AVPR1B: variants seen among roughly 807,000 people sequenced by gnomAD.
AVPR1B encodes the protein arginine vasopressin receptor 1B.
A neutral mutation model predicts 27.5 loss-of-function variants in AVPR1B; 25 were observed. The observed-to-expected ratio is 0.91, with a 90% CI of 0.66 to 1.27. The LOEUF (loss-of-function observed/expected upper bound fraction) is 1.27. Ranked by LOEUF, AVPR1B falls within the 50% of genes most tolerant of loss-of-function variation. The pLI, the probability that AVPR1B is intolerant of heterozygous loss-of-function variation, is 0.00. For missense variants in AVPR1B, 595 were observed against 556.9 expected, an observed-to-expected ratio of 1.07 and a Z score of -0.69; for synonymous variants, 248 against 240.2, an observed-to-expected ratio of 1.03 and a Z score of -0.30.
In AVPR1B at chr1:206,109,239, T is replaced by C. The variant is rs539842444; in HGVS notation, c.*950A>G. ...CATCCATATGGTTCATGGTGGAAGCTCTGAAGAGCCTGGAGGGTGTCCAGA... is the reference window on the plus strand; with the variant it reads ...CATCCATATGGTTCATGGTGGAAGCCCTGAAGAGCCTGGAGGGTGTCCAGA... On this transcript the variant is annotated 3_prime_UTR_variant, in exon 2 of 2. Coordinates refer to ENST00000367126, the MANE Select transcript of AVPR1B (RefSeq NM_000707.5). 3.3e-5 allele frequency among the ~76,000 whole-genome samples: 5 copies of C among 152,126 alleles called. No homozygotes were observed. The East Asian group carries it at 7.7e-4, about 24-fold the overall frequency.
chr1:206,108,821 T>A lies in AVPR1B; in HGVS notation c.*1368A>T, dbSNP rs1663322224. On this transcript the variant is annotated 3_prime_UTR_variant, in exon 2 of 2. Transcript: ENST00000367126. Reference sequence around the variant, plus strand: ...AAAAGTCCCCTGGAGATAATGAGCATGTGCCATGCTCTTCCTCTACCTCGG... The same window carrying A: ...AAAAGTCCCCTGGAGATAATGAGCAAGTGCCATGCTCTTCCTCTACCTCGG... 6.6e-6 allele frequency among the ~76,000 whole-genome samples: 1 copy of A among 152,250 alleles called. No homozygotes were observed. The highest frequency in any genetic ancestry group is 2.4e-5 in the African/African-American group (1 of 41,466).
intron 1 of AVPR1B, among the ~76,000 whole-genome samples, chr1:206,111,260 C>A (rs1333310821): frequency 6.6e-6 from 1 of 151,496 alleles, no homozygotes; most frequent in Non-Finnish European, 1.5e-5. Context: ...AGGAACTGTA[C>A]CTTTCTGCAG....
chr1:206,110,153 G>C lies in AVPR1B; in HGVS notation c.*36C>G. On this transcript the variant is annotated 3_prime_UTR_variant, in exon 2 of 2. Transcript: ENST00000367126. Reference sequence around the variant, plus strand: ...CGAGGTGGGCAGAGAACCTCCACTAGTCCTGGGGGCAGTACCAGACCCCAG... The same window carrying C: ...CGAGGTGGGCAGAGAACCTCCACTACTCCTGGGGGCAGTACCAGACCCCAG... 6.4e-7 allele frequency: 1 copy of C among 1,563,930 alleles called. No individual in the cohort carries two copies. The highest frequency in any genetic ancestry group is 8.7e-7 in the Non-Finnish European group (1 of 1,152,138).
At chr1:206,114,299 C>T (rs1331515011) in intron 1 of AVPR1B, among the ~76,000 whole-genome samples, 1 of 152,174 alleles carries the variant, frequency 6.6e-6, no homozygotes, top group Non-Finnish European at 1.5e-5. Context: ...TGCACAGGGC[C>T]TGCCTAGGAC....
Position 206,116,794 on chromosome 1 carries a change from G to A in AVPR1B, c.97C>T (p.Leu33=). The change falls in exon 1 of 2, where the codon CTG becomes TTG. Residue 33 remains leucine, a synonymous_variant. Transcript: ENST00000367126. ...AGGACTCCGATCTCCACCTTGGCCA[G>A]CTCCTCATCCCGGCCCAGCCAGGGT... ...TTPWLGRDEE[L]AKVEIGVLAT... is the part of the protein sequence containing the mutation. The A allele has an allele frequency of 6.2e-7, 1 of 1,614,018 alleles. No homozygotes were observed. Among genetic ancestry groups the A allele is most frequent in the Non-Finnish European group, 8.5e-7 (1 of 1,179,976 alleles).
chr1:206,107,503 C>T lies in AVPR1B; in HGVS notation c.*2686G>A, dbSNP rs1553289159. ...TCAGGAGCTTCCTGGAATGGGTTCC[C>T]GAGGCCCTCAGCCAGTGTGCAGTCG... is the stretch of plus-strand genomic sequence containing the variant. On this transcript the variant is annotated 3_prime_UTR_variant, in exon 2 of 2. Coordinates refer to ENST00000367126, the MANE Select transcript of AVPR1B (RefSeq NM_000707.5). Among the ~76,000 whole-genome samples the T allele has an allele frequency of 2.6e-5, 4 of 152,162 alleles. No homozygotes were observed. The highest frequency in any genetic ancestry group is 7.2e-5 in the African/African-American group (3 of 41,428).
intron 1 of AVPR1B, among the ~76,000 whole-genome samples, chr1:206,111,714 G>A (rs1274848198): frequency 2.0e-5 from 3 of 152,226 alleles, no homozygotes; most frequent in Non-Finnish European, 2.9e-5. Flanking sequence ...ACGTGTCCCA[G>A]GGGCATGCTC....
Position 206,116,932 on chromosome 1 carries a change from G to C in AVPR1B, c.-42C>G, listed in dbSNP as rs782388449. 3 of 1,533,578 alleles carry C rather than the reference G, an allele frequency of 2.0e-6. No homozygotes were observed. The highest frequency in any genetic ancestry group is 2.7e-6 in the Non-Finnish European group (3 of 1,125,568). The allele number at this position is 1,533,578 out of a possible 1,614,324, so 95.0% of individuals were successfully genotyped here. ...GAGGGAAGGATGAAGGGAGGGTGTG[G>C]ATGCAAGTGGAGAGGTTTGATGGAT... On this transcript the variant is annotated 5_prime_UTR_variant, in exon 1 of 2. The change creates a new upstream start codon in the 5' untranslated region. Coordinates refer to ENST00000367126, the MANE Select transcript of AVPR1B (RefSeq NM_000707.5).
At chr1:206,111,926 G>T (rs576661720) in intron 1 of AVPR1B, among the ~76,000 whole-genome samples, 4 of 152,356 alleles carry the variant, frequency 2.6e-5, no homozygotes, top group Admixed American at 2.6e-4. Flanking sequence ...GGGCGCAGTG[G>T]CTTACGCCCG....
chr1:206,115,013 C>G (rs1393006772), intron 1 of AVPR1B, among the ~76,000 whole-genome samples: 3 of 152,208 alleles, frequency 2.0e-5, no homozygotes. Flanking sequence ...AGGGGCAGCT[C>G]CTCAGAGATG....
Position 206,116,829 on chromosome 1 carries a change from T to C in AVPR1B, c.62A>G (p.Asn21Ser), listed in dbSNP as rs781809357. The change falls in exon 1 of 2, where the codon AAT (asparagine) becomes AGT (serine). Residue 21 changes from asparagine (N) to serine (S), a missense_variant. Coordinates refer to ENST00000367126, the MANE Select transcript of AVPR1B (RefSeq NM_000707.5). ...CCGGCCCAGCCAGGGTGTTGTGGCA[T>C]TGGGGGCAGAGAGGGTGCCCCGAGG... ...PTPRGTLSAPNATTPWLGRDE... is the reference protein window; with the variant it reads ...PTPRGTLSAPSATTPWLGRDE... The C allele has an allele frequency of 2.0e-5, 32 of 1,613,908 alleles. No homozygotes were observed. The highest frequency in any genetic ancestry group is 1.8e-4 in the South Asian group (16 of 91,072).
In AVPR1B at chr1:206,116,277, A is replaced by G. The variant is rs782633628; in HGVS notation, c.614T>C (p.Leu205Pro). ...GPRAYLTWTT[L>P]AIFVLPVTML... Reference sequence around the variant, plus strand: ...GGTCACCGGCAGAACGAAGATAGCCAGGGTGGTCCAGGTGAGGTAGGCCCG... The same window carrying G: ...GGTCACCGGCAGAACGAAGATAGCCGGGGTGGTCCAGGTGAGGTAGGCCCG... The change falls in exon 1 of 2, where the codon CTG (leucine) becomes CCG (proline). Residue 205 changes from leucine to proline, a missense_variant. Physicochemically the swap from Leu to Pro is moderately conservative, Grantham distance 98. Coordinates refer to ENST00000367126, the MANE Select transcript of AVPR1B (RefSeq NM_000707.5). The G allele has an allele frequency of 6.2e-7, 1 of 1,613,606 alleles. No homozygotes were observed. The highest frequency in any genetic ancestry group is 8.5e-7 in the Non-Finnish European group (1 of 1,180,028).
chr1:206,116,795 C>A lies in AVPR1B; in HGVS notation c.96G>T (p.Glu32Asp). 1 of 1,614,062 alleles carries A rather than the reference C, an allele frequency of 6.2e-7. No homozygotes were observed. Among genetic ancestry groups the A allele is most frequent in the South Asian group, 1.1e-5 (1 of 91,076 alleles). Residue 32 changes from glutamate to aspartate, a missense_variant, in exon 1 of 2, where the codon GAG becomes GAT. Coordinates refer to ENST00000367126, the MANE Select transcript of AVPR1B (RefSeq NM_000707.5). Reference sequence around the variant, plus strand: ...GGACTCCGATCTCCACCTTGGCCAGCTCCTCATCCCGGCCCAGCCAGGGTG... The same window carrying A: ...GGACTCCGATCTCCACCTTGGCCAGATCCTCATCCCGGCCCAGCCAGGGTG... ...ATTPWLGRDE[E>D]LAKVEIGVLA...
intron 1 of AVPR1B, among the ~76,000 whole-genome samples, chr1:206,111,659 T>G (rs1663378366): frequency 6.6e-6 from 1 of 152,218 alleles, no homozygotes; most frequent in Non-Finnish European, 1.5e-5. Context: ...AACTGCCTAC[T>G]CTGCAAAACA....
rs1230417715 is a variant in AVPR1B, at chr1:206,107,679, G to C, written c.*2510C>G. 1.3e-5 allele frequency among the ~76,000 whole-genome samples: 2 copies of C among 152,254 alleles called. No homozygotes were observed. The highest frequency in any genetic ancestry group is 2.9e-5 in the Non-Finnish European group (2 of 68,050). On this transcript the variant is annotated 3_prime_UTR_variant, in exon 2 of 2. Coordinates refer to ENST00000367126, the MANE Select transcript of AVPR1B (RefSeq NM_000707.5). ...AAAACAGAAAATATCATAGTAGTAA[G>C]AGGGGATCTATAGAAGGCAAAGGGT...
rs1663323006 is a variant in AVPR1B at position 206,108,878 on chromosome 1, G to A, written c.*1311C>T. ...TTGGCCTGCAGCCTCTCCCAGCCTT[G>A]GAGGAGGATTCAGCATCCCAGATGA... On this transcript the variant is annotated 3_prime_UTR_variant, in exon 2 of 2. Transcript: ENST00000367126. 6.6e-6 allele frequency among the ~76,000 whole-genome samples: 1 copy of A among 152,218 alleles called. No individual in the cohort carries two copies. The highest frequency in any genetic ancestry group is 1.5e-5 in the Non-Finnish European group (1 of 68,036).
Position 206,110,376 on chromosome 1 carries a change from A to G in AVPR1B, c.1088T>C (p.Met363Thr), listed in dbSNP as rs782265692. ...LACCGGPQPRMRRRLSDGSLS... is the reference protein window; with the variant it reads ...LACCGGPQPRTRRRLSDGSLS... ...GCTGCCGTCGGAGAGCCGCCGGCGC[A>G]TCCTGGGCTGGGGACCCCCACAGCA... is the stretch of plus-strand genomic sequence containing the variant. The change falls in exon 2 of 2, where the codon ATG becomes ACG. Residue 363 changes from methionine (M) to threonine (T), a missense_variant. Transcript: ENST00000367126. The G allele has an allele frequency of 3.7e-6, 6 of 1,611,452 alleles. No individual in the cohort carries two copies. Among genetic ancestry groups the G allele is most frequent in the Non-Finnish European group, 5.1e-6 (6 of 1,179,130 alleles).
rs782571271 is a variant in AVPR1B at position 206,110,428 on chromosome 1, A to G, written c.1036T>C (p.Leu346=). The change falls in exon 2 of 2, where the codon TTA becomes CTA. Residue 346 remains leucine, a synonymous_variant. Coordinates refer to ENST00000367126, the MANE Select transcript of AVPR1B (RefSeq NM_000707.5). ...GCAAGGTGACGCAGGGGCCGCGGTA[A>G]CAGGTGGCTGTTGAAGCCCATGTAG... The part of the protein sequence containing the change: ...WIYMGFNSHL[L]PRPLRHLACC... The G allele has an allele frequency of 9.7e-5, 156 of 1,613,854 alleles. No individual in the cohort carries two copies. Among genetic ancestry groups the G allele is most frequent in the Non-Finnish European group, 1.3e-4 (152 of 1,179,970 alleles).
At position 206,109,057 on chromosome 1, in the gene AVPR1B, TATTGCAGAGTC is replaced by T. The variant is rs1280600290; in HGVS notation, c.*1121_*1131del. ...TGTTTCTCTGTAACACCATTTCCAGTATTGCAGAGTCATGGAAGGTTGGAGTTTAGAGATCA... is the reference window on the plus strand; with the variant it reads ...TGTTTCTCTGTAACACCATTTCCAGTATGGAAGGTTGGAGTTTAGAGATCA... On this transcript the variant is annotated 3_prime_UTR_variant, in exon 2 of 2. Coordinates refer to ENST00000367126, the MANE Select transcript of AVPR1B (RefSeq NM_000707.5). Among the ~76,000 whole-genome samples the T allele has an allele frequency of 2.0e-5, 3 of 152,190 alleles. No individual in the cohort carries two copies. The highest frequency in any genetic ancestry group is 4.8e-5 in the African/African-American group (2 of 41,452).
Sources: gnomAD v4.1 joint callset for allele counts (sites outside exome capture counted in the v4.1 genomes callset) on GRCh38, gnomAD v4.1.1 for gene constraint, MANE v1.5 for transcripts, NCBI Gene and HGNC (gene_info 2026-07-23, HGNC 2026-07-21) for gene names.